USP6: variants seen among roughly 807,000 people sequenced by gnomAD.
USP6 encodes the protein ubiquitin carboxyl-terminal hydrolase 6.
USP6 carries 128 observed loss-of-function variants against 175.7 expected under a neutral mutation model. The ratio of observed to expected loss-of-function variants is 0.73; its 90% CI spans 0.63 to 0.84. USP6 has a LOEUF of 0.84. Among genes scored for constraint, USP6 ranks in the 40% least tolerant of loss-of-function variants. USP6 has a pLI of 0.00. For missense variants in USP6, 1,498 were observed against 1,760.3 expected (o/e 0.85, Z 2.67); for synonymous variants, 562 against 630.6 (o/e 0.89, Z 1.63).
Position 5,138,306 on chromosome 17 carries a change from A to C in USP6, c.1078+33A>C, listed in dbSNP as rs1267519863. 3.1e-6 allele frequency: 5 copies of C among 1,611,740 alleles called. No individual in the cohort carries two copies. In the African/African-American group the frequency reaches 5.3e-5, roughly 17 times the overall value. On this transcript the variant is annotated intron_variant, in intron 21 of 37. Transcript: ENST00000574788. ...CCAGTGCCATGTCCCCTCCCATGTC[A>C]GCCTCTGGGGCAGTCAATAGTGGGC... is the stretch of plus-strand genomic sequence containing the variant.
intron 4 of USP6, among the ~76,000 whole-genome samples, chr17:5,123,495 C>T (rs1218262992): frequency 6.6e-6 from 1 of 152,116 alleles, no homozygotes; most frequent in Non-Finnish European, 1.5e-5. Flanking sequence ...GCAGCAAACA[C>T]GCAGGGTGAG....
intron 7 of USP6, chr17:5,128,300 A>C (rs1351439079): frequency 6.6e-6 from 1 of 152,214 alleles, no homozygotes; most frequent in East Asian, 1.9e-4. Flanking sequence ...TCTAGCTAGA[A>C]TATCCAAGGG....
chr17:5,136,787 T>C (rs2073269428), intron 18 of USP6, 53 bp downstream of exon 18: 1 of 1,596,742 alleles, frequency 6.3e-7, no homozygotes, highest in Non-Finnish European at 8.6e-7. Flanking sequence ...CCTGTGGGGC[T>C]GTAGGAGCAG....
chr17:5,135,615 G>A (rs928901332), intron 16 of USP6, among the ~76,000 whole-genome samples, 193 bp from the exon 17 acceptor site: 2 of 152,196 alleles, frequency 1.3e-5, no homozygotes, highest in Non-Finnish European at 2.9e-5. Context: ...GCTCTCAGGA[G>A]ACATTTTGGA....
chr17:5,161,776 G>A lies in USP6; in HGVS notation c.2915+162G>A, dbSNP rs9899711. The stretch of plus-strand genomic sequence containing the variant: ...CAGGCCTGTAATCCCATCACTTTGA[G>A]AAGCCGAGGCGGGTGGATCACCTGA... On this transcript the variant is annotated intron_variant, in intron 32 of 37. Transcript: ENST00000574788. Among the ~76,000 whole-genome samples, 75 of 152,224 alleles carry A rather than the reference G, an allele frequency of 4.9e-4. 2 individuals carry two copies. Among genetic ancestry groups the A allele is most frequent in the African/African-American group, 1.6e-3 (68 of 41,574 alleles).
rs540409209 is a variant in USP6, at chr17:5,146,243, G to T, written c.2319+69G>T. ...AGATGACATTTTTCTCAATTATGAT[G>T]ATCAGTTGTTAGGTTATGTGACCAA... is the stretch of plus-strand genomic sequence containing the variant. On this transcript the variant is annotated intron_variant, in intron 28 of 37. Transcript: ENST00000574788. The T allele has an allele frequency of 2.2e-5, 33 of 1,503,902 alleles. No homozygotes were observed. The African/African-American group carries it at 4.3e-4, about 20-fold the overall frequency. 93.2% of individuals were successfully genotyped at this position (1,503,902 alleles called of 1,614,324 possible).
intron 2 of USP6, 32 bp from the exon 3 acceptor site, chr17:5,120,595 T>G (rs2072632161): frequency 2.7e-6 from 1 of 364,104 alleles, no homozygotes; most frequent in African/African-American, 2.1e-5. Context: ...CAGGATGGCC[T>G]TGGGTGAGCT....
chr17:5,162,438 A>G (rs541113120), intron 32 of USP6, among the ~76,000 whole-genome samples: 84 of 152,310 alleles, frequency 5.5e-4, no homozygotes, highest in Non-Finnish European at 1.1e-3. Context: ...ATGAGACACC[A>G]TGCCCAGCCT....
intron 5 of USP6, among the ~76,000 whole-genome samples, chr17:5,125,493 A>T (rs1473190913): frequency 6.6e-6 from 1 of 152,198 alleles, no homozygotes; most frequent in Non-Finnish European, 1.5e-5. Context: ...TAAAGTTTAC[A>T]TGCTACAAAA....
chr17:5,118,682 G>A (rs543617065), intron 2 of USP6, among the ~76,000 whole-genome samples: 1 of 152,332 alleles, frequency 6.6e-6, no homozygotes, highest in East Asian at 1.9e-4. Context: ...AAAGAATGAG[G>A]TTGTGTGGAG....
chr17:5,141,322 C>T, intron 22 of USP6, 103 bp from the exon 23 acceptor site: 1 of 1,043,598 alleles, frequency 9.6e-7, no homozygotes, highest in Non-Finnish European at 1.4e-6. Context: ...TTTAAAACTT[C>T]CGATTTAGGA....
Position 5,171,655 on chromosome 17 carries a change from C to G in USP6, c.4023C>G (p.Tyr1341Ter), listed in dbSNP as rs1442024779. 6.2e-7 allele frequency: 1 copy of G among 1,613,720 alleles called. No homozygotes were observed. Among genetic ancestry groups the G allele is most frequent in the Non-Finnish European group, 8.5e-7 (1 of 1,179,806 alleles). ...CCAAAAACCCAAACTGCAAGTGGTACTGTTATAATGACAGCAGCTGTGAGG... is the reference window on the plus strand; with the variant it reads ...CCAAAAACCCAAACTGCAAGTGGTAGTGTTATAATGACAGCAGCTGTGAGG... ...TYAKNPNCKW[Y>*]CYNDSSCEEL... Residue 1341 changes from tyrosine (Y) to a stop codon, truncating the protein, a stop_gained, in exon 37 of 38, where the codon TAC (tyrosine) becomes TAG (stop). Coordinates refer to ENST00000574788, the MANE Select transcript of USP6 (RefSeq NM_001304284.2). LOFTEE classifies it high-confidence loss of function.
rs2074274647 is a variant in USP6 at position 5,173,875 on chromosome 17, G to A, written c.*897G>A. 1 of 222,870 alleles carries A rather than the reference G, an allele frequency of 4.5e-6. No individual in the cohort carries two copies. Among genetic ancestry groups the A allele is most frequent in the South Asian group, 1.8e-4 (1 of 5,448 alleles). 13.8% of individuals were successfully genotyped at this position (222,870 alleles called of 1,614,324 possible). A position where few individuals can be genotyped will look rare whatever the true frequency, so the allele number is the denominator to read the frequency against. ...TTCTGGGAAGGTAAGCGGCATCGGA[G>A]CTAGATCACGTTTCACAATTAGTGG... On this transcript the variant is annotated 3_prime_UTR_variant, in exon 38 of 38. Transcript: ENST00000574788.
chr17:5,123,729 T>C (rs1419775574), intron 4 of USP6, among the ~76,000 whole-genome samples: 1 of 152,086 alleles, frequency 6.6e-6, no homozygotes, highest in East Asian at 1.9e-4. Context: ...CACGCAGGTG[T>C]GCAAGGACAA....
chr17:5,123,480 A>G (rs2072775921), intron 4 of USP6, among the ~76,000 whole-genome samples: 1 of 152,004 alleles, frequency 6.6e-6, no homozygotes, highest in Non-Finnish European at 1.5e-5. Context: ...AGCCCGCGTC[A>G]CCCGGCAGCA....
Position 5,142,144 on chromosome 17 carries a change from A to G in USP6, c.1712+3A>G. 1 of 1,610,450 alleles carries G rather than the reference A, an allele frequency of 6.2e-7. No homozygotes were observed. The highest frequency in any genetic ancestry group is 1.1e-5 in the South Asian group (1 of 90,002). ...AGACATCTTTATGAACTCAACAGGT[A>G]AACTTTCTTGAGTCACTGGCCTCTT... On this transcript the variant is annotated splice_donor_region_variant and intron_variant, in intron 24 of 37. Coordinates refer to ENST00000574788, the MANE Select transcript of USP6 (RefSeq NM_001304284.2).
Position 5,139,671 on chromosome 17 carries a change from G to C in USP6, c.1495G>C (p.Glu499Gln). 3.7e-6 allele frequency: 6 copies of C among 1,608,004 alleles called. No homozygotes were observed. Among genetic ancestry groups the C allele is most frequent in the Non-Finnish European group, 5.1e-6 (6 of 1,180,016 alleles). The stretch of plus-strand genomic sequence containing the variant: ...CTGCTGGCAGGCTGAACACTGCGGA[G>C]AGGGTGAGGTTGGCTTTCACTGCAC... ...ATCWQAEHCG[E>Q]VHNKDMSWPE... The change falls in exon 22 of 38, where the codon GAG (glutamate) becomes CAG (glutamine). Residue 499 changes from glutamate to glutamine, a missense_variant. This residue lies in a region of USP6 where 1,217 missense variants were observed against 1,500.8 expected (regional missense o/e 0.81). Transcript: ENST00000574788.
chr17:5,132,333 T>A lies in USP6; in HGVS notation c.156-63T>A. On this transcript the variant is annotated intron_variant, in intron 11 of 37. Coordinates refer to ENST00000574788, the MANE Select transcript of USP6 (RefSeq NM_001304284.2). The surrounding 1 kb of genome is among the most constrained non-coding windows in gnomAD (Gnocchi z 4.7). ...GAGCCAGTCCTTTCTGGGGGTCGGCTCCCAGGCTTGGGCGGCTCCAGGCCC... is the reference window on the plus strand; with the variant it reads ...GAGCCAGTCCTTTCTGGGGGTCGGCACCCAGGCTTGGGCGGCTCCAGGCCC... The A allele has an allele frequency of 6.2e-7, 1 of 1,611,922 alleles. No homozygotes were observed.
Position 5,116,116 on chromosome 17 carries a change from C to G in USP6, c.-2552C>G, listed in dbSNP as rs1012423636. 6.6e-6 allele frequency among the ~76,000 whole-genome samples: 1 copy of G among 152,200 alleles called. No individual in the cohort carries two copies. The highest frequency in any genetic ancestry group is 1.5e-5 in the Non-Finnish European group (1 of 68,020). On this transcript the variant is annotated 5_prime_UTR_variant, in exon 1 of 38. Coordinates refer to ENST00000574788, the MANE Select transcript of USP6 (RefSeq NM_001304284.2). Reference sequence around the variant, plus strand: ...CGCTGTGGGAGCTCGTCTCCAGGCGCCCATCAGTCTTCCCCTCACTCGACG... The same window carrying G: ...CGCTGTGGGAGCTCGTCTCCAGGCGGCCATCAGTCTTCCCCTCACTCGACG...
Sources: gnomAD v4.1 joint callset for allele counts (sites outside exome capture counted in the v4.1 genomes callset) on GRCh38, gnomAD v4.1.1 for gene constraint, gnomAD v4.1.1 regional missense constraint, Gnocchi (gnomAD v3.1) non-coding constraint, MANE v1.5 for transcripts, NCBI Gene and HGNC (gene_info 2026-07-23, HGNC 2026-07-21) for gene names.